The following CD163L1 variants were observed in gnomAD, a reference collection of about 807,000 sequenced individuals.
CD163L1 encodes scavenger receptor cysteine-rich type 1 protein M160.
In CD163L1, 124 loss-of-function variants were observed where a neutral mutation model predicts 165.4. The ratio of observed to expected loss-of-function variants is 0.75; its 90% confidence interval spans 0.65 to 0.87. CD163L1 has a LOEUF of 0.87. CD163L1 is among the 40% of genes least tolerant of loss of function. CD163L1 has a pLI of 0.00. For missense variants in CD163L1, 1,525 were observed against 1,799.9 expected (o/e 0.85, Z 2.76); for synonymous variants, 585 against 662.2 (o/e 0.88, Z 1.79).
chr12:7,368,744 G>A lies in CD163L1; in HGVS notation c.4072+189C>T. On this transcript the variant is annotated intron_variant, in intron 16 of 19. Coordinates refer to ENST00000313599, the MANE Select transcript of CD163L1 (RefSeq NM_174941.6). The surrounding 1 kb of genome is among the most constrained non-coding windows in gnomAD (Gnocchi z 4.3). ...CTTATCCTTCTCTGCATGTAAAAAG[G>A]ATTTTTCTAGAGAGAAGGACTGCAT... 1 of 610,364 alleles carries A rather than the reference G, an allele frequency of 1.6e-6. No homozygotes were observed. The highest frequency in any genetic ancestry group is 2.9e-6 in the Non-Finnish European group (1 of 340,434). 37.8% of individuals were successfully genotyped at this position (610,364 alleles called of 1,614,324 possible). A position where few individuals can be genotyped will look rare whatever the true frequency, so the allele number is the denominator to read the frequency against.
chr12:7,437,930 T>C (rs1948761432), intron 2 of CD163L1, among the ~76,000 whole-genome samples: 1 of 152,028 alleles, frequency 6.6e-6, no homozygotes, highest in Non-Finnish European at 1.5e-5. Context: ...TAAGAAAGTT[T>C]TCCACCCATA....
At chr12:7,367,564 G>C in intron 17 of CD163L1, 1 of 344,652 alleles carries the variant, frequency 2.9e-6, no homozygotes, top group Non-Finnish European at 5.4e-6. Context: ...TATTTACTAT[G>C]TGCTGGCCAT....
chr12:7,323,097 T>C, the CD163L1 span: 1 of 763,344 alleles, frequency 1.3e-6, no homozygotes, highest in Non-Finnish European at 2.1e-6. Context: ...GAACTACTGG[T>C]TTCAAATAAT....
rs200327052 is a variant in CD163L1 at position 7,369,650 on chromosome 12, C to A, written c.3746G>T (p.Arg1249Leu). ...CCCAGAGCACTCGGTGTCTCCTCCA[C>A]GCACTCTTATTCTATCTACAAAGGC... The part of the protein sequence containing the change: ...WITCEDRIRV[R>L]GGDTECSGRV... The change falls in exon 15 of 20, where the codon CGT becomes CTT. Residue 1249 changes from arginine (R) to leucine (L), a missense_variant. Coordinates refer to ENST00000313599, the MANE Select transcript of CD163L1 (RefSeq NM_174941.6). The surrounding 1 kb of genome is among the most constrained non-coding windows in gnomAD (Gnocchi z 4.9). 2 of 1,613,620 alleles carry A rather than the reference C, an allele frequency of 1.2e-6. No individual in the cohort carries two copies. Among genetic ancestry groups the A allele is most frequent in the African/African-American group, 2.7e-5 (2 of 74,912 alleles).
the CD163L1 span, chr12:7,328,834 A>G: frequency 1.3e-5 from 2 of 154,308 alleles, no homozygotes; most frequent in Non-Finnish European, 2.9e-5. Flanking sequence ...AATGAAATTA[A>G]GTACTGTATT....
the CD163L1 span, among the ~76,000 whole-genome samples, chr12:7,340,193 C>T: frequency 6.6e-6 from 1 of 152,140 alleles, no homozygotes; most frequent in Admixed American, 6.6e-5. Context: ...AGGTTTCCCT[C>T]ATACAAAATG....
Position 7,360,172 on chromosome 12 carries a change from C to T in CD163L1, c.4280-2686G>A, listed in dbSNP as rs141735754. ...TTTTTTTTCTTTTCAGATGGAGTTT[C>T]GCTCTTGTCACCCAGGCTGGAGTGC... is the stretch of plus-strand genomic sequence containing the variant. On this transcript the variant is annotated intron_variant, in intron 18 of 19. Transcript: ENST00000313599. Among the ~76,000 whole-genome samples, 558 of 151,654 alleles carry T rather than the reference C, an allele frequency of 3.7e-3. 4 individuals are homozygous for T. The highest frequency in any genetic ancestry group is 6.4e-3 in the Non-Finnish European group (436 of 67,918).
Position 7,432,422 on chromosome 12 carries a change from A to C in CD163L1, c.760T>G (p.Cys254Gly). Residue 254 changes from cysteine to glycine, a missense_variant, in exon 4 of 20, where the codon TGT becomes GGT. Cys to Gly is a radical substitution (Grantham distance 159). Transcript: ENST00000313599. This position sits in a 1 kb window ranked among gnomAD's most constrained non-coding sequence, Gnocchi z 4.2. ...CSHNEDVTLTCYDSSDLELRL... is the reference protein window; with the variant it reads ...CSHNEDVTLTGYDSSDLELRL... ...TGATGTCTTGGGTTCTTACCATAAC[A>C]AGTTAATGTGACATCCTCATTGTGA... The C allele has an allele frequency of 1.2e-6, 2 of 1,609,988 alleles. No individual in the cohort carries two copies. The highest frequency in any genetic ancestry group is 4.5e-5 in the East Asian group (2 of 44,846).
At chr12:7,328,445 C>T in the CD163L1 span, 38 of 1,158,844 alleles carry the variant, frequency 3.3e-5, no homozygotes, top group Non-Finnish European at 4.1e-5. Context: ...GATAATTCAG[C>T]GACTACTCTC....
chr12:7,433,509 C>A lies in CD163L1; in HGVS notation c.310G>T (p.Val104Leu). The A allele has an allele frequency of 1.2e-6, 2 of 1,614,124 alleles. No homozygotes were observed. The highest frequency in any genetic ancestry group is 8.5e-7 in the Non-Finnish European group (1 of 1,180,016). ...SFAMFRFGQA[V>L]TRHGKIWLDD... Reference sequence around the variant, plus strand: ...AGCCAAATTTTTCCATGTCTAGTCACGGCTTGTCCAAAACGAAACATGGCG... The same window carrying A: ...AGCCAAATTTTTCCATGTCTAGTCAAGGCTTGTCCAAAACGAAACATGGCG... Residue 104 changes from valine to leucine, a missense_variant, in exon 3 of 20, where the codon GTG (valine) becomes TTG (leucine). By Grantham distance (32) the Val-to-Leu change is conservative. Transcript: ENST00000313599.
rs1947902292 is a variant in CD163L1, at chr12:7,400,810, G to A, written c.1409-2226C>T. 6.6e-6 allele frequency among the ~76,000 whole-genome samples: 1 copy of A among 152,272 alleles called. No individual in the cohort carries two copies. Among genetic ancestry groups the A allele is most frequent in the Admixed American group, 6.5e-5 (1 of 15,288 alleles). On this transcript the variant is annotated intron_variant, in intron 6 of 19. Coordinates refer to ENST00000313599, the MANE Select transcript of CD163L1 (RefSeq NM_174941.6). The surrounding 1 kb of genome is among the most constrained non-coding windows in gnomAD (Gnocchi z 4.1). Reference sequence around the variant, plus strand: ...TACTTAGGCAATATATATCTCAGTAGGTATTAGCCTATAGAAAGCTACAGT... The same window carrying A: ...TACTTAGGCAATATATATCTCAGTAAGTATTAGCCTATAGAAAGCTACAGT...
In CD163L1 at chr12:7,368,982, G is replaced by T. The variant is rs750604728; in HGVS notation, c.4040-17C>A. The T allele has an allele frequency of 9.4e-5, 152 of 1,613,022 alleles. No homozygotes were observed. The highest frequency in any genetic ancestry group is 1.2e-4 in the Non-Finnish European group (144 of 1,179,804). On this transcript the variant is annotated splice_polypyrimidine_tract_variant and intron_variant, in intron 15 of 19. Coordinates refer to ENST00000313599, the MANE Select transcript of CD163L1 (RefSeq NM_174941.6). The surrounding 1 kb of genome is among the most constrained non-coding windows in gnomAD (Gnocchi z 4.3). ...GCGACTGTCCTGAGAGAGAGAGAGA[G>T]AGAGAGAGACGTAAATGAACGAAAA... is the stretch of plus-strand genomic sequence containing the variant.
chr12:7,436,791 T>C (rs1222190073), intron 2 of CD163L1, among the ~76,000 whole-genome samples: 2 of 152,026 alleles, frequency 1.3e-5, no homozygotes, highest in Non-Finnish European at 2.9e-5. Context: ...ACCTTAAAAA[T>C]GACAATTTCT....
At chr12:7,437,196 T>C (rs1948729420) in intron 2 of CD163L1, among the ~76,000 whole-genome samples, 1 of 145,018 alleles carries the variant, frequency 6.9e-6, no homozygotes, top group East Asian at 2.0e-4. Context: ...TTTATTTTAA[T>C]AGTATTACTT....
At chr12:7,379,867 GT>G (rs199865477) in intron 8 of CD163L1, among the ~76,000 whole-genome samples, 8,763 of 144,334 alleles carry the variant, frequency 0.061, 348 homozygotes, top group African/African-American at 0.11. Flanking sequence ...GAGTAGGTAA[GT>G]TTTTTTTTTT....
intron 2 of CD163L1, among the ~76,000 whole-genome samples, chr12:7,440,248 G>A (rs1157568205): frequency 6.6e-6 from 1 of 151,950 alleles, no homozygotes; most frequent in Non-Finnish European, 1.5e-5. Context: ...CCCTGGAGGC[G>A]GCCCCGCGAA....
At chr12:7,326,341 A>G in the CD163L1 span, among the ~76,000 whole-genome samples, 1 of 152,172 alleles carries the variant, frequency 6.6e-6, no homozygotes, top group Non-Finnish European at 1.5e-5. Flanking sequence ...AGTTGCTAGT[A>G]CTACAGGTGT....
intron 4 of CD163L1, among the ~76,000 whole-genome samples, chr12:7,412,402 A>G (rs766711860): frequency 6.6e-6 from 1 of 152,352 alleles, no homozygotes; most frequent in East Asian, 1.9e-4. Flanking sequence ...AAGCAATTAA[A>G]GAATCTGGTC....
intron 2 of CD163L1, chr12:7,440,097 G>C: frequency 1.1e-6 from 1 of 886,976 alleles, no homozygotes; most frequent in Non-Finnish European, 1.8e-6. Context: ...AACGGAAGCC[G>C]ACCAATGGCG....
Sources: gnomAD v4.1 joint callset for allele counts (sites outside exome capture counted in the v4.1 genomes callset) on GRCh38, gnomAD v4.1.1 for gene constraint, Gnocchi (gnomAD v3.1) non-coding constraint, MANE v1.5 for transcripts, NCBI Gene and HGNC (gene_info 2026-07-23, HGNC 2026-07-21) for gene names.